Variants in IGF2BP3 observed in about 807,000 individuals in gnomAD.
IGF2BP3 encodes the protein insulin like growth factor 2 mRNA binding protein 3.
A neutral mutation model predicts 73.8 loss-of-function variants in IGF2BP3; 9 were observed. The ratio of observed to expected loss-of-function variants is 0.12; its 90% CI spans 0.07 to 0.21. IGF2BP3 has a LOEUF of 0.21. IGF2BP3 is among the 10% of genes least tolerant of loss of function. IGF2BP3 has a pLI of 1.00. For synonymous variants in IGF2BP3, 258 were observed against 256.7 expected, an observed-to-expected ratio of 1.01 and a Z score of -0.05; for missense variants, 542 against 714.0, an observed-to-expected ratio of 0.76 and a Z score of 2.75.
intron 2 of IGF2BP3, among the ~76,000 whole-genome samples, chr7:23,420,605 A>G (rs1044961055): frequency 6.6e-6 from 1 of 152,244 alleles, no homozygotes; most frequent in Non-Finnish European, 1.5e-5. Context: ...AGTTTAGTCT[A>G]GATTCATAAC....
At chr7:23,411,487 C>T (rs958680873) in intron 3 of IGF2BP3, among the ~76,000 whole-genome samples, 6 of 152,000 alleles carry the variant, frequency 3.9e-5, no homozygotes, top group African/African-American at 1.2e-4. Flanking sequence ...GAGGCTGAGG[C>T]GGAGAATGGC....
intron 9 of IGF2BP3, 24 bp from the exon 10 acceptor site, chr7:23,342,213 A>C: frequency 6.2e-7 from 1 of 1,612,230 alleles, no homozygotes. Context: ...AAGGCCCCTT[A>C]ATTTGACAAT....
At chr7:23,318,829 T>C (rs553080162) in intron 11 of IGF2BP3, among the ~76,000 whole-genome samples, 1 of 152,176 alleles carries the variant, frequency 6.6e-6, no homozygotes, top group Non-Finnish European at 1.5e-5. Flanking sequence ...GAGCACTGAA[T>C]GGTGTCAATC....
chr7:23,360,468 G>C (rs779784488), intron 5 of IGF2BP3, among the ~76,000 whole-genome samples: 2 of 152,214 alleles, frequency 1.3e-5, no homozygotes, highest in Non-Finnish European at 2.9e-5. Context: ...TATCTCCCAA[G>C]AGATAAGGTA....
intron 3 of IGF2BP3, among the ~76,000 whole-genome samples, chr7:23,401,789 G>C (rs1436692187): frequency 4.7e-5 from 7 of 150,386 alleles, no homozygotes; most frequent in Non-Finnish European, 1.0e-4. Context: ...TGCTGCCCTA[G>C]GGATTGGCAT....
In IGF2BP3 at chr7:23,412,974, C is replaced by G. The variant is rs116016076; in HGVS notation, c.285+5802G>C. 2.3e-3 allele frequency among the ~76,000 whole-genome samples: 333 copies of G among 146,342 alleles called. 2 individuals carry two copies. Among genetic ancestry groups the G allele is most frequent in the African/African-American group, 7.5e-3 (302 of 40,302 alleles). ...TCCCGGGTTCAAGAGGTTCCCCTGA[C>G]TCAACCTCCTGAGTAGCTGGGATTA... On this transcript the variant is annotated intron_variant, in intron 3 of 14. Coordinates refer to ENST00000258729, the MANE Select transcript of IGF2BP3 (RefSeq NM_006547.3).
At chr7:23,403,756 A>C (rs1786741080) in intron 3 of IGF2BP3, among the ~76,000 whole-genome samples, 1 of 152,300 alleles carries the variant, frequency 6.6e-6, no homozygotes, top group African/African-American at 2.4e-5. Flanking sequence ...GTTGTTTTTA[A>C]AAATAAGAAT....
chr7:23,405,969 C>A (rs1045349342), intron 3 of IGF2BP3, among the ~76,000 whole-genome samples: 1 of 151,680 alleles, frequency 6.6e-6, no homozygotes, highest in Admixed American at 6.6e-5. Context: ...AATATTAATG[C>A]TGGGTGATTA....
chr7:23,384,789 G>A (rs1786030212), intron 3 of IGF2BP3, among the ~76,000 whole-genome samples: 1 of 152,146 alleles, frequency 6.6e-6, no homozygotes, highest in African/African-American at 2.4e-5. Flanking sequence ...TACTCAGGAG[G>A]GTGAGGTGGG....
intron 11 of IGF2BP3, among the ~76,000 whole-genome samples, chr7:23,318,779 T>C (rs1216989004): frequency 6.6e-6 from 1 of 152,182 alleles, no homozygotes; most frequent in African/African-American, 2.4e-5. Context: ...CTTTATTATG[T>C]TCTCCTCTCC....
chr7:23,336,810 T>C (rs1784585179), intron 10 of IGF2BP3, among the ~76,000 whole-genome samples: 1 of 152,176 alleles, frequency 6.6e-6, no homozygotes, highest in African/African-American at 2.4e-5. Flanking sequence ...TAACCAGGCA[T>C]GGTGCTGCGC....
At chr7:23,380,799 C>T (rs781292632) in intron 3 of IGF2BP3, among the ~76,000 whole-genome samples, 6 of 152,204 alleles carry the variant, frequency 3.9e-5, no homozygotes, top group Non-Finnish European at 7.3e-5. Flanking sequence ...TGGGATGATG[C>T]AGCTACAAGC....
intron 3 of IGF2BP3, among the ~76,000 whole-genome samples, chr7:23,397,446 G>C (rs1260595102): frequency 6.6e-6 from 1 of 152,134 alleles, no homozygotes; most frequent in Admixed American, 6.5e-5. Context: ...TCTCAGCTCT[G>C]ATGTTGAACT....
At chr7:23,398,279 A>C (rs1400431894) in intron 3 of IGF2BP3, among the ~76,000 whole-genome samples, 2 of 152,130 alleles carry the variant, frequency 1.3e-5, no homozygotes, top group African/African-American at 4.8e-5. Context: ...TCCATGGTGT[A>C]TATGTGCCAC....
chr7:23,336,808 C>T (rs151148502), intron 10 of IGF2BP3, among the ~76,000 whole-genome samples: 2,682 of 152,198 alleles, frequency 0.018, 82 homozygotes, highest in African/African-American at 0.056. Context: ...ATTAACCAGG[C>T]ATGGTGCTGC....
chr7:23,347,122 G>T (rs1471878001), intron 7 of IGF2BP3, among the ~76,000 whole-genome samples: 1 of 152,150 alleles, frequency 6.6e-6, no homozygotes, highest in Non-Finnish European at 1.5e-5. Flanking sequence ...TTCACTCAAA[G>T]TTCCTGTGGA....
rs547270494 is a variant in IGF2BP3 at position 23,423,146 on chromosome 7, G to A, written c.237-4322C>T. 9.9e-5 allele frequency among the ~76,000 whole-genome samples: 15 copies of A among 152,276 alleles called. No homozygotes were observed. The East Asian group carries it at 1.2e-3, about 12-fold the overall frequency. On this transcript the variant is annotated intron_variant, in intron 2 of 14. Transcript: ENST00000258729. ...AGTAACTAATCTTAAACTGTGTGAC[G>A]TTTACCTCTGGCTCCTAACCCCGTG... is the stretch of plus-strand genomic sequence containing the variant.
chr7:23,395,717 G>A (rs1211440002), intron 3 of IGF2BP3, among the ~76,000 whole-genome samples: 1 of 152,112 alleles, frequency 6.6e-6, no homozygotes, highest in African/African-American at 2.4e-5. Flanking sequence ...CTTGAGGTCA[G>A]GAGTTCGTGA....
At chr7:23,438,603 A>C (rs996299182) in intron 2 of IGF2BP3, among the ~76,000 whole-genome samples, 2 of 152,204 alleles carry the variant, frequency 1.3e-5, no homozygotes, top group South Asian at 4.1e-4. Context: ...ACACAGTGAG[A>C]CCGACTCTAT....
Sources: gnomAD v4.1 joint callset for allele counts (sites outside exome capture counted in the v4.1 genomes callset) on GRCh38, gnomAD v4.1.1 for gene constraint, MANE v1.5 for transcripts, NCBI Gene and HGNC (gene_info 2026-07-23, HGNC 2026-07-21) for gene names.